Variants in MACF1 observed in about 807,000 individuals in gnomAD.
The protein encoded by MACF1 is microtubule actin crosslinking factor 1, also known as microtubule-actin cross-linking factor 1.
MACF1 carries 193 observed loss-of-function variants against 854.8 expected under a neutral mutation model. The observed-to-expected ratio is 0.23, with a 90% CI of 0.20 to 0.25. The LOEUF (loss-of-function observed/expected upper bound fraction) is 0.25. MACF1 is among the 10% of genes least tolerant of loss of function. MACF1 has a pLI of 1.00. For missense variants in MACF1, 7,722 were observed against 8,929.1 expected (o/e 0.86, Z 5.45); for synonymous variants, 3,185 against 3,226.7 (o/e 0.99, Z 0.44).
At chr1:39,148,833 T>C (rs375584378) in intron 2 of MACF1, among the ~76,000 whole-genome samples, 181 of 152,334 alleles carry the variant, frequency 1.2e-3, no homozygotes, top group African/African-American at 4.1e-3. Flanking sequence ...AGTCAAAAGT[T>C]ATTTGTATAC....
chr1:39,262,490 AGT>A (rs1230116492), intron 6 of MACF1, among the ~76,000 whole-genome samples: 1 of 151,310 alleles, frequency 6.6e-6, no homozygotes. Context: ...TGTTTAGGAG[AGT>A]GAGAACAGAC....
At chr1:39,311,052 G>T in intron 26 of MACF1, 52 bp downstream of exon 26, 1 of 1,570,714 alleles carries the variant, frequency 6.4e-7, no homozygotes, top group Non-Finnish European at 8.6e-7. Flanking sequence ...TGCTTTCAGA[G>T]TTCATTGGAT....
intron 70 of MACF1, 73 bp downstream of exon 70, chr1:39,435,834 G>A: frequency 2.2e-6 from 3 of 1,360,994 alleles, no homozygotes; most frequent in South Asian, 2.5e-5. Context: ...TATCAGGTAT[G>A]TCTCTGTGCT....
At chr1:39,244,850 A>G (rs1182093212) in intron 2 of MACF1, among the ~76,000 whole-genome samples, 2 of 152,154 alleles carry the variant, frequency 1.3e-5, no homozygotes, top group Non-Finnish European at 2.9e-5. Flanking sequence ...AAGTGCTGGG[A>G]TTACAGGCGT....
In MACF1 at chr1:39,443,503, A is replaced by G; in HGVS notation, c.19360A>G (p.Ser6454Gly). ...CCTCTTGGAACTTACTAGAATGGAG[A>G]GCCAGCTTTCTGCATCTAAGCCCAC... ...DFLLELTRMESQLSASKPTGG... is the reference protein window; with the variant it reads ...DFLLELTRMEGQLSASKPTGG... The change falls in exon 79 of 101, where the codon AGC becomes GGC. Residue 6454 changes from serine to glycine, a missense_variant. Coordinates refer to ENST00000564288, the MANE Select transcript of MACF1 (RefSeq NM_001394062.1). The G allele has an allele frequency of 6.2e-7, 1 of 1,613,980 alleles. No homozygotes were observed.
intron 6 of MACF1, 129 bp from the exon 7 acceptor site, chr1:39,282,079 G>A: frequency 2.6e-6 from 2 of 771,308 alleles, no homozygotes; most frequent in Non-Finnish European, 4.1e-6. Flanking sequence ...ATATATGTTG[G>A]AATAGTCCTC....
At chr1:39,361,293 T>C (rs538481706) in intron 48 of MACF1, 67 bp from the exon 49 acceptor site, 897 of 1,466,990 alleles carry the variant, frequency 6.1e-4, no homozygotes, top group Non-Finnish European at 7.6e-4. Context: ...CATATAGTTA[T>C]TAGTTTGTGG....
At chr1:39,217,781 G>C (rs1018056887) in intron 1 of MACF1, among the ~76,000 whole-genome samples, 13 of 151,876 alleles carry the variant, frequency 8.6e-5, no homozygotes, top group Non-Finnish European at 1.9e-4. Flanking sequence ...GGGTGGGGTT[G>C]GGGGCGCGGC....
Position 39,335,353 on chromosome 1 carries a change from A to G in MACF1, c.8765A>G (p.His2922Arg). The change falls in exon 37 of 101, where the codon CAT becomes CGT. Residue 2922 changes from histidine (H) to arginine (R), a missense_variant. Physicochemically the swap from His to Arg is conservative, Grantham distance 29. This residue lies in a region of MACF1 where 854 missense variants were observed against 852.6 expected (regional missense o/e 1.00). Transcript: ENST00000564288. ...GTGACAAAAATAGAAATTATTTCTC[A>G]TATGAAGCAGTCTACCTCATGTCTA... The part of the protein sequence containing the change: ...KAVTKIEIIS[H>R]MKQSTSCLDS... 6.2e-7 allele frequency: 1 copy of G among 1,613,866 alleles called. No homozygotes were observed. The highest frequency in any genetic ancestry group is 8.5e-7 in the Non-Finnish European group (1 of 1,179,814).
intron 1 of MACF1, among the ~76,000 whole-genome samples, chr1:39,229,747 C>A (rs1001316741): frequency 1.9e-4 from 29 of 152,102 alleles, no homozygotes; most frequent in African/African-American, 7.0e-4. Context: ...TGTTCTTTTT[C>A]TTTTTATGAG....
intron 50 of MACF1, among the ~76,000 whole-genome samples, chr1:39,368,571 G>T (rs905526483): frequency 2.0e-5 from 3 of 151,860 alleles, no homozygotes; most frequent in African/African-American, 7.3e-5. Context: ...GTGCCATCTT[G>T]GCTCACTACA....
intron 44 of MACF1, among the ~76,000 whole-genome samples, chr1:39,354,730 A>G (rs924088602): frequency 6.6e-6 from 1 of 152,102 alleles, no homozygotes; most frequent in Non-Finnish European, 1.5e-5. Context: ...AGCATTTCTC[A>G]TTCGATATTG....
intron 2 of MACF1, among the ~76,000 whole-genome samples, chr1:39,177,688 T>C (rs953043101): frequency 1.3e-5 from 2 of 152,088 alleles, no homozygotes; most frequent in African/African-American, 4.8e-5. Flanking sequence ...TATAACCATC[T>C]TTCAGAGAGT....
intron 2 of MACF1, among the ~76,000 whole-genome samples, chr1:39,193,679 T>G (rs1236051724): frequency 6.6e-6 from 1 of 152,096 alleles, no homozygotes; most frequent in Non-Finnish European, 1.5e-5. Context: ...TAACTATGGA[T>G]TAAAGAGATT....
intron 1 of MACF1, among the ~76,000 whole-genome samples, chr1:39,218,562 C>T (rs542538347): frequency 6.6e-6 from 1 of 152,196 alleles, no homozygotes; most frequent in Non-Finnish European, 1.5e-5. Flanking sequence ...GTTTTTCTGA[C>T]TGTGATATTC....
rs745911075 is a variant in MACF1, at chr1:39,477,045, GTATATATATATATATATATATA to G, written c.21959-2728_21959-2707del. 1.9e-3 allele frequency among the ~76,000 whole-genome samples: 120 copies of G among 63,756 alleles called. 3 individuals carry two copies. The highest frequency in any genetic ancestry group is 5.7e-3 in the African/African-American group (92 of 16,222). The allele number at this position is 63,756 out of a possible 152,430, so 41.8% of individuals were successfully genotyped here. A position where few individuals can be genotyped will look rare whatever the true frequency, so the allele number is the denominator to read the frequency against. On this transcript the variant is annotated intron_variant, in intron 97 of 100. Coordinates refer to ENST00000564288, the MANE Select transcript of MACF1 (RefSeq NM_001394062.1). Reference sequence around the variant, plus strand: ...ATACACACACATATATACACTTAGTGTATATATATATATATATATATATATATATATATATATATATATATAC... The same window carrying G: ...ATACACACACATATATACACTTAGTGTATATATATATATATATATATATAC...
In MACF1 at chr1:39,453,976, A is replaced by C; in HGVS notation, c.20886+126A>C. 6.0e-6 allele frequency: 7 copies of C among 1,162,836 alleles called. No homozygotes were observed. The South Asian group carries it at 1.1e-4, about 19-fold the overall frequency. The allele number at this position is 1,162,836 out of a possible 1,614,324, so 72.0% of individuals were successfully genotyped here. On this transcript the variant is annotated intron_variant, in intron 88 of 100. Transcript: ENST00000564288. ...TGAATAACTCAGCAAAAATTAAGTT[A>C]ACATTTTAGTAAAGACTGTTTTCTT... is the stretch of plus-strand genomic sequence containing the variant.
intron 2 of MACF1, among the ~76,000 whole-genome samples, chr1:39,239,136 C>T (rs989831974): frequency 6.6e-6 from 1 of 152,188 alleles, no homozygotes; most frequent in Admixed American, 6.5e-5. Flanking sequence ...CAAAAATTAG[C>T]TGGGAGTGGT....
chr1:39,477,077 A>ATACACACAGTG (rs1557675035), intron 97 of MACF1, among the ~76,000 whole-genome samples: 1 of 19,226 alleles, frequency 5.2e-5, no homozygotes, highest in Admixed American at 4.9e-4. Context: ...ATATATATAT[A>ATACACACAGTG]TATATATATA....
Sources: allele counts gnomAD v4.1 joint callset (sites outside exome capture counted in the v4.1 genomes callset), GRCh38; gene constraint gnomAD v4.1.1; regional missense constraint gnomAD v4.1.1; transcripts MANE v1.5; gene names NCBI Gene and HGNC (gene_info 2026-07-23, HGNC 2026-07-21).